SDHC: variants seen among roughly 807,000 people sequenced by gnomAD.
SDHC encodes succinate dehydrogenase complex subunit C, also known as succinate dehydrogenase cytochrome b560 subunit, mitochondrial.
Under a neutral mutation model 22.6 loss-of-function variants are expected in SDHC, and 11 were observed. The observed-to-expected ratio is 0.49, with a 90% CI of 0.31 to 0.81. The LOEUF is 0.81. Among genes scored for constraint, SDHC ranks in the 30% least tolerant of loss-of-function variants. The pLI, the probability that SDHC is intolerant of heterozygous loss-of-function variation, is 0.05. For missense variants in SDHC, 160 were observed against 212.0 expected (o/e 0.75, Z 1.52); for synonymous variants, 80 against 77.8 (o/e 1.03, Z -0.15).
chr1:161,316,694 A>G (rs1049554298), intron 1 of SDHC, among the ~76,000 whole-genome samples: 2 of 152,144 alleles, frequency 1.3e-5, no homozygotes, highest in Non-Finnish European at 2.9e-5. Flanking sequence ...CATTTCTCAT[A>G]AGGGATTTTT....
At chr1:161,346,843 T>G (rs558710354) in intron 4 of SDHC, among the ~76,000 whole-genome samples, 1 of 152,342 alleles carries the variant, frequency 6.6e-6, no homozygotes, top group South Asian at 2.1e-4. Flanking sequence ...TATAAAAGGA[T>G]GTGGTATTTG....
At chr1:161,356,333 G>T (rs544131649) in intron 4 of SDHC, among the ~76,000 whole-genome samples, 1 of 152,212 alleles carries the variant, frequency 6.6e-6, no homozygotes, top group African/African-American at 2.4e-5. Context: ...GAGGTCAGGA[G>T]TTCGAGACCA....
chr1:161,337,245 G>A (rs1671530509), intron 3 of SDHC, among the ~76,000 whole-genome samples: 1 of 152,042 alleles, frequency 6.6e-6, no homozygotes, highest in Non-Finnish European at 1.5e-5. Context: ...AAGAAGACTT[G>A]TCTTTGCTCC....
chr1:161,327,849 A>G (rs1389255961), intron 2 of SDHC, among the ~76,000 whole-genome samples: 1 of 152,060 alleles, frequency 6.6e-6, no homozygotes, highest in East Asian at 1.9e-4. Context: ...GGCTTGAGCC[A>G]CTGTGCGTGG....
intron 3 of SDHC, among the ~76,000 whole-genome samples, chr1:161,335,023 T>C (rs994374209): frequency 6.6e-5 from 10 of 152,234 alleles, no homozygotes; most frequent in East Asian, 1.9e-4. Context: ...CCTAGAATTA[T>C]ATATTACATT....
At chr1:161,327,720 C>G (rs953361060) in intron 2 of SDHC, among the ~76,000 whole-genome samples, 1 of 151,702 alleles carries the variant, frequency 6.6e-6, no homozygotes, top group Non-Finnish European at 1.5e-5. Context: ...CGCCAACACA[C>G]CCGGCTAATT....
chr1:161,320,805 C>T (rs1050056966), intron 1 of SDHC, among the ~76,000 whole-genome samples: 1 of 150,024 alleles, frequency 6.7e-6, no homozygotes. Flanking sequence ...AGTTATACAA[C>T]TTATTCTAAG....
chr1:161,357,213 C>CTATA (rs1379628136), intron 5 of SDHC, among the ~76,000 whole-genome samples: 1 of 151,926 alleles, frequency 6.6e-6, no homozygotes, highest in African/African-American at 2.4e-5. Context: ...AGGCGTGAGC[C>CTATA]ACCGCGCCCA....
At chr1:161,361,069 C>T (rs546912083) in intron 5 of SDHC, among the ~76,000 whole-genome samples, 28 of 152,054 alleles carry the variant, frequency 1.8e-4, no homozygotes, top group Admixed American at 2.6e-4. Context: ...GCCAAGATGG[C>T]GCCACTGGAG....
intron 3 of SDHC, among the ~76,000 whole-genome samples, chr1:161,337,723 A>G (rs1336006810): frequency 1.3e-5 from 2 of 152,286 alleles, no homozygotes; most frequent in Non-Finnish European, 2.9e-5. Context: ...CATCACTCCC[A>G]TTTTGTATAT....
At chr1:161,327,589 T>C (rs575816194) in intron 2 of SDHC, among the ~76,000 whole-genome samples, 1 of 152,178 alleles carries the variant, frequency 6.6e-6, no homozygotes, top group African/African-American at 2.4e-5. Flanking sequence ...TGAGACGGAG[T>C]CTTGCTCTGT....
intron 4 of SDHC, among the ~76,000 whole-genome samples, chr1:161,350,872 G>A (rs1019855621): frequency 6.6e-6 from 1 of 152,078 alleles, no homozygotes; most frequent in African/African-American, 2.4e-5. Flanking sequence ...CTTATACTCT[G>A]CTTGATTCAC....
chr1:161,358,424 A>T (rs571622547), intron 5 of SDHC, among the ~76,000 whole-genome samples: 31 of 151,968 alleles, frequency 2.0e-4, no homozygotes, highest in African/African-American at 6.3e-4. Context: ...CATTTAATAG[A>T]TTGGAAACTG....
At chr1:161,351,550 G>A (rs967262230) in intron 4 of SDHC, among the ~76,000 whole-genome samples, 4 of 152,158 alleles carry the variant, frequency 2.6e-5, no homozygotes, top group African/African-American at 9.7e-5. Context: ...TGTGATATTT[G>A]TAGTTAAACA....
At chr1:161,314,699 C>T (rs765373124) in intron 1 of SDHC, 8 of 542,058 alleles carry the variant, frequency 1.5e-5, no homozygotes, top group Non-Finnish European at 2.3e-5. Context: ...GTACTTCTAA[C>T]GCAAATTGCT....
intron 3 of SDHC, chr1:161,339,540 T>C (rs1571867155): frequency 4.0e-6 from 5 of 1,246,014 alleles, no homozygotes; most frequent in African/African-American, 1.6e-5. Context: ...TTTTGAGTTA[T>C]AATCATTTTT....
chr1:161,330,727 C>T (rs72714973), intron 3 of SDHC, among the ~76,000 whole-genome samples: 18,152 of 152,102 alleles, frequency 0.12, 1,277 homozygotes, highest in African/African-American at 0.19. Context: ...GGACCAGGCG[C>T]GATGGCTCAC....
chr1:161,320,601 T>C (rs913499434), intron 1 of SDHC, among the ~76,000 whole-genome samples: 14 of 152,136 alleles, frequency 9.2e-5, no homozygotes, highest in African/African-American at 3.4e-4. Flanking sequence ...CTGAGGGTTT[T>C]AAAAAGAATG....
intron 1 of SDHC, among the ~76,000 whole-genome samples, chr1:161,317,550 G>GTTT (rs34457815): frequency 3.3e-4 from 20 of 59,898 alleles, no homozygotes; most frequent in African/African-American, 4.9e-4. Flanking sequence ...TGTGTGTGTG[G>GTTT]TTTTTTTTTT....
Sources: gnomAD v4.1 joint callset for allele counts (sites outside exome capture counted in the v4.1 genomes callset) on GRCh38, gnomAD v4.1.1 for gene constraint, MANE v1.5 for transcripts, NCBI Gene and HGNC (gene_info 2026-07-23, HGNC 2026-07-21) for gene names.